FLOT2: variants seen among roughly 807,000 people sequenced by gnomAD.
FLOT2 encodes flotillin 2.
FLOT2 carries 35 observed loss-of-function variants against 54.9 expected under a neutral mutation model. The ratio of observed to expected loss-of-function variants is 0.64; its 90% CI spans 0.49 to 0.84. FLOT2 has a LOEUF of 0.84. Among genes scored for constraint, FLOT2 ranks in the 40% least tolerant of loss-of-function variants. The pLI is 0.00. For synonymous variants in FLOT2, 207 were observed against 228.9 expected (o/e 0.90, Z 0.86); for missense variants, 464 against 572.1 (o/e 0.81, Z 1.93).
chr17:28,888,820 C>A, intron 2 of FLOT2, 125 bp downstream of exon 2: 1 of 620,062 alleles, frequency 1.6e-6, no homozygotes. Context: ...ACCCCTCCAC[C>A]GCCAGAATGG....
intron 1 of FLOT2, chr17:28,893,199 T>C (rs573674853): frequency 6.6e-6 from 1 of 152,322 alleles, no homozygotes; most frequent in African/African-American, 2.4e-5. Context: ...TCCCTAACTC[T>C]TACTCGTCTC....
intron 1 of FLOT2, among the ~76,000 whole-genome samples, chr17:28,896,956 G>GC (rs2039751296): frequency 6.6e-6 from 1 of 152,210 alleles, no homozygotes. Context: ...AAACTGCACT[G>GC]CCCAGAACCG....
intron 2 of FLOT2, 108 bp downstream of exon 2, chr17:28,888,837 G>T: frequency 1.4e-6 from 1 of 697,382 alleles, no homozygotes. Context: ...ATGGAATGTG[G>T]AAATGGTAGA....
chr17:28,886,064 G>A (rs1345056556), intron 2 of FLOT2: 2 of 601,566 alleles, frequency 3.3e-6, no homozygotes, highest in Non-Finnish European at 3.1e-6. Flanking sequence ...GGGGCGGGGG[G>A]GGGCATGCTG....
intron 2 of FLOT2, chr17:28,886,138 T>G (rs2039542824): frequency 1.6e-6 from 1 of 625,906 alleles, no homozygotes; most frequent in Non-Finnish European, 2.9e-6. Flanking sequence ...CGACCTCCTG[T>G]GCTGATCCGA....
chr17:28,882,834 T>G lies in FLOT2; in HGVS notation c.347-143A>C, dbSNP rs2039479085. ...CCTGGGGTATCTTCTCAACAGCACTTAACACCGAGCTTCCTGCTGCACAGT... is the reference window on the plus strand; with the variant it reads ...CCTGGGGTATCTTCTCAACAGCACTGAACACCGAGCTTCCTGCTGCACAGT... On this transcript the variant is annotated intron_variant, in intron 4 of 10. Transcript: ENST00000394908. This position sits in a 1 kb window ranked among gnomAD's most constrained non-coding sequence, Gnocchi z 5.6. 6 of 676,734 alleles carry G rather than the reference T, an allele frequency of 8.9e-6. No individual in the cohort carries two copies. The highest frequency in any genetic ancestry group is 1.5e-5 in the Non-Finnish European group (6 of 388,184). 41.9% of individuals were successfully genotyped at this position (676,734 alleles called of 1,614,324 possible).
intron 2 of FLOT2, among the ~76,000 whole-genome samples, chr17:28,886,169 A>C (rs184070172): frequency 2.0e-5 from 3 of 152,254 alleles, no homozygotes; most frequent in Non-Finnish European, 2.9e-5. Flanking sequence ...TCTCTTCTCT[A>C]GCCCCCAAAC....
rs2039417793 is a variant in FLOT2 at position 28,879,836 on chromosome 17, G to A, written c.*725C>T. 2 of 986,088 alleles carry A rather than the reference G, an allele frequency of 2.0e-6. No individual in the cohort carries two copies. Among genetic ancestry groups the A allele is most frequent in the African/African-American group, 1.7e-5 (1 of 57,384 alleles). The allele number at this position is 986,088 out of a possible 1,614,324, so 61.1% of individuals were successfully genotyped here. A position where few individuals can be genotyped will look rare whatever the true frequency, so the allele number is the denominator to read the frequency against. On this transcript the variant is annotated 3_prime_UTR_variant, in exon 11 of 11. Transcript: ENST00000394908. The stretch of plus-strand genomic sequence containing the variant: ...CCCAGCAGGAACATGCCCATGAAGA[G>A]GCCTTCCCTGAGCACAAGCAGGGGC...
chr17:28,893,259 C>T (rs2039683259), intron 1 of FLOT2: 1 of 152,366 alleles, frequency 6.6e-6, no homozygotes, highest in Non-Finnish European at 1.5e-5. Flanking sequence ...CTTTCTAACC[C>T]AACTTGCTTT....
Position 28,897,341 on chromosome 17 carries a change from G to A in FLOT2, c.49+185C>T. On this transcript the variant is annotated intron_variant, in intron 1 of 10. Coordinates refer to ENST00000394908, the MANE Select transcript of FLOT2 (RefSeq NM_004475.3). The surrounding 1 kb of genome is among the most constrained non-coding windows in gnomAD (Gnocchi z 4.4). ...GAGGGGGAGCCCCTGGTGGGTGCCC[G>A]AGGGTGCGCAGCAAGGAAAGCGTGA... is the stretch of plus-strand genomic sequence containing the variant. The A allele has an allele frequency of 1.8e-6, 1 of 549,578 alleles. No individual in the cohort carries two copies. The highest frequency in any genetic ancestry group is 3.1e-6 in the Non-Finnish European group (1 of 317,616). The allele number at this position is 549,578 out of a possible 1,614,324, so 34.0% of individuals were successfully genotyped here.
chr17:28,885,893 C>T (rs565721435), intron 2 of FLOT2: 31 of 1,550,282 alleles, frequency 2.0e-5, no homozygotes, highest in African/African-American at 6.8e-5. Flanking sequence ...GAACCCCCTC[C>T]GACGTCTCAA....
In FLOT2 at chr17:28,882,036, A is replaced by G; in HGVS notation, c.700-8T>C. On this transcript the variant is annotated splice_polypyrimidine_tract_variant and splice_region_variant and intron_variant, in intron 7 of 10. Coordinates refer to ENST00000394908, the MANE Select transcript of FLOT2 (RefSeq NM_004475.3). This position sits in a 1 kb window ranked among gnomAD's most constrained non-coding sequence, Gnocchi z 5.6. ...CAACTGGGCCTCAGCTGTCTGTGGCAAGAGGGTGTGTGGCACATTAGAGGC... is the reference window on the plus strand; with the variant it reads ...CAACTGGGCCTCAGCTGTCTGTGGCGAGAGGGTGTGTGGCACATTAGAGGC... The G allele has an allele frequency of 6.2e-7, 1 of 1,614,130 alleles. No individual in the cohort carries two copies. The highest frequency in any genetic ancestry group is 8.5e-7 in the Non-Finnish European group (1 of 1,180,026).
chr17:28,881,916 T>C lies in FLOT2; in HGVS notation c.812A>G (p.Glu271Gly). The C allele has an allele frequency of 1.2e-6, 2 of 1,613,942 alleles. No individual in the cohort carries two copies. Among genetic ancestry groups the C allele is most frequent in the Non-Finnish European group, 1.7e-6 (2 of 1,180,040 alleles). Reference protein sequence around the residue: ...VVQRKKQIAVEAQEILRTDKE... With the variant: ...VVQRKKQIAVGAQEILRTDKE... ...GTCCGTACGCAGGATCTCCTGTGCC[T>C]CCACGGCAATCTGTTTCTTGCGCTG... Residue 271 changes from glutamate to glycine, a missense_variant, in exon 8 of 11, where the codon GAG (glutamate) becomes GGG (glycine). Glu to Gly is a moderately conservative substitution (Grantham distance 98). Coordinates refer to ENST00000394908, the MANE Select transcript of FLOT2 (RefSeq NM_004475.3).
chr17:28,896,006 C>T lies in FLOT2; in HGVS notation c.49+1520G>A, dbSNP rs180829965. 2.3e-3 allele frequency among the ~76,000 whole-genome samples: 351 copies of T among 152,262 alleles called. 3 individuals carry two copies. The highest frequency in any genetic ancestry group is 7.3e-3 in the African/African-American group (304 of 41,536). On this transcript the variant is annotated intron_variant, in intron 1 of 10. Transcript: ENST00000394908. ...CACACAAGAGGGAGCTGGATCTCAGCTTGATCATCTCAAATCCCAAGGTAT... is the reference window on the plus strand; with the variant it reads ...CACACAAGAGGGAGCTGGATCTCAGTTTGATCATCTCAAATCCCAAGGTAT...
At chr17:28,891,066 A>G (rs896541657) in intron 1 of FLOT2, among the ~76,000 whole-genome samples, 3 of 151,998 alleles carry the variant, frequency 2.0e-5, no homozygotes, top group Non-Finnish European at 4.4e-5. Context: ...TTTTTTGTGG[A>G]GACAAGGTTT....
Position 28,883,339 on chromosome 17 carries a change from C to T in FLOT2, c.223-108G>A. On this transcript the variant is annotated intron_variant, in intron 3 of 10. Transcript: ENST00000394908. The surrounding 1 kb of genome is among the most constrained non-coding windows in gnomAD (Gnocchi z 5.0). ...GCTGTGCCTCCTCCCTTCCTTTTTT[C>T]AGACCTGGAGGCCCTGGGGGGCTGG... 3 of 1,412,520 alleles carry T rather than the reference C, an allele frequency of 2.1e-6. No homozygotes were observed. Among genetic ancestry groups the T allele is most frequent in the South Asian group, 2.5e-5 (2 of 81,300 alleles). The allele number at this position is 1,412,520 out of a possible 1,614,324, so 87.5% of individuals were successfully genotyped here. A position where few individuals can be genotyped will look rare whatever the true frequency, so the allele number is the denominator to read the frequency against.
At chr17:28,885,967 T>G (rs1598093614) in intron 2 of FLOT2, 2 of 1,483,974 alleles carry the variant, frequency 1.3e-6, no homozygotes, top group South Asian at 1.2e-5. Context: ...AGCCAGGGGG[T>G]GGGGAGAGGT....
In FLOT2 at chr17:28,888,936, G is replaced by T. The variant is rs1272192638; in HGVS notation, c.131+9C>A. The T allele has an allele frequency of 1.9e-6, 3 of 1,612,782 alleles. No homozygotes were observed. The highest frequency in any genetic ancestry group is 2.5e-6 in the Non-Finnish European group (3 of 1,179,036). ...TCCATGACAGGTCCTAGAGCCCCCAGGTGCTTACCTCTGAGTGTCGGAGAT... is the reference window on the plus strand; with the variant it reads ...TCCATGACAGGTCCTAGAGCCCCCATGTGCTTACCTCTGAGTGTCGGAGAT... On this transcript the variant is annotated intron_variant, in intron 2 of 10. Transcript: ENST00000394908.
intron 2 of FLOT2, among the ~76,000 whole-genome samples, chr17:28,886,743 G>C (rs558400539): frequency 8.8e-4 from 134 of 152,288 alleles, no homozygotes; most frequent in Non-Finnish European, 1.4e-3. Flanking sequence ...CTAAATCAGA[G>C]GAAGGAAGAG....
Sources: gnomAD v4.1 joint callset for allele counts (sites outside exome capture counted in the v4.1 genomes callset) on GRCh38, gnomAD v4.1.1 for gene constraint, Gnocchi (gnomAD v3.1) non-coding constraint, MANE v1.5 for transcripts, NCBI Gene and HGNC (gene_info 2026-07-23, HGNC 2026-07-21) for gene names.